Variants in AKR1C3 observed in about 807,000 individuals in gnomAD.
The protein encoded by AKR1C3 is 3-alpha hydroxysteroid dehydrogenase, type II.
In AKR1C3, 48 loss-of-function variants were observed where a neutral mutation model predicts 43.6. That is an observed-to-expected ratio of 1.10 (90% CI 0.87 to 1.40). AKR1C3 has a LOEUF of 1.40. Among genes scored for constraint, AKR1C3 ranks in the 40% most tolerant of loss-of-function variants. AKR1C3 has a pLI of 0.00. For missense variants in AKR1C3, 482 were observed against 391.2 expected, an observed-to-expected ratio of 1.23 and a Z score of -1.96; for synonymous variants, 162 against 139.6, an observed-to-expected ratio of 1.16 and a Z score of -1.13.
intron 1 of AKR1C3, among the ~76,000 whole-genome samples, chr10:5,067,959 A>G (rs143060496): frequency 1.3e-5 from 2 of 152,312 alleles, no homozygotes; most frequent in African/African-American, 4.8e-5. Context: ...AATTAGGTGC[A>G]TTGTACTGAT....
chr10:5,086,828 T>C (rs1232869203), intron 1 of AKR1C3, among the ~76,000 whole-genome samples: 1 of 152,218 alleles, frequency 6.6e-6, no homozygotes, highest in African/African-American at 2.4e-5. Flanking sequence ...TACCATTATG[T>C]AGTGGCCTTC....
At chr10:5,093,256 T>C (rs1198499769), upstream of AKR1C3, among the ~76,000 whole-genome samples, 1 of 152,126 alleles carries the variant, frequency 6.6e-6, no homozygotes. Flanking sequence ...GATCACTTCT[T>C]GACGCGTCCA....
upstream of AKR1C3, chr10:5,093,583 C>T (rs1839141165): frequency 6.6e-6 from 1 of 151,992 alleles, no homozygotes; most frequent in African/African-American, 2.4e-5. Context: ...CCAGTTTTTC[C>T]TTACAAATAA....
chr10:5,082,647 A>G (rs1312950630), intron 1 of AKR1C3, among the ~76,000 whole-genome samples: 5 of 152,130 alleles, frequency 3.3e-5, no homozygotes, highest in African/African-American at 1.2e-4. Context: ...AATGAAATCC[A>G]TTTGGTCATG....
At chr10:5,069,485 C>G (rs1838576054) in intron 1 of AKR1C3, among the ~76,000 whole-genome samples, 1 of 152,170 alleles carries the variant, frequency 6.6e-6, no homozygotes, top group South Asian at 2.1e-4. Context: ...TTTCTCACTA[C>G]TAACATAATC....
Position 5,107,473 on chromosome 10 carries a change from C to A in AKR1C3, c.942C>A (p.His314Gln), listed in dbSNP as rs587617235. The A allele has an allele frequency of 1.9e-6, 3 of 1,582,814 alleles. No homozygotes were observed. Among genetic ancestry groups the A allele is most frequent in the Non-Finnish European group, 2.6e-6 (3 of 1,152,148 alleles). ...ATTCTCTTTTCAGTTTTGCTAGCCA[C>A]CCTAATTATCCATATTCAGATGAAT... is the stretch of plus-strand genomic sequence containing the variant. Reference protein sequence around the residue: ...HYFNSDSFASHPNYPYSDEY With the variant: ...HYFNSDSFASQPNYPYSDEY The change falls in exon 9 of 9, where the codon CAC becomes CAA. Residue 314 changes from histidine (H) to glutamine (Q), a missense_variant. By Grantham distance (24) the His-to-Gln change is conservative (BLOSUM62 0). Transcript: ENST00000380554.
chr10:5,107,089 T>C (rs1411536095), intron 8 of AKR1C3, among the ~76,000 whole-genome samples: 1 of 152,192 alleles, frequency 6.6e-6, no homozygotes, highest in Non-Finnish European at 1.5e-5. Flanking sequence ...CTATATCATA[T>C]ATAACAATTT....
At chr10:5,075,777 G>A (rs1554781768) in intron 1 of AKR1C3, among the ~76,000 whole-genome samples, 2 of 152,084 alleles carry the variant, frequency 1.3e-5, no homozygotes, top group Non-Finnish European at 2.9e-5. Flanking sequence ...GGGAGGCTGA[G>A]GCAGGAGAAT....
intron 7 of AKR1C3, chr10:5,105,349 A>C: frequency 9.5e-6 from 3 of 317,156 alleles, no homozygotes; most frequent in Non-Finnish European, 1.2e-5. Context: ...TTTCTTCTCC[A>C]TTTTCTGTTG....
chr10:5,069,172 G>C (rs1588338110), intron 1 of AKR1C3, among the ~76,000 whole-genome samples: 1 of 152,182 alleles, frequency 6.6e-6, no homozygotes, highest in South Asian at 2.1e-4. Context: ...AGTTTGCACA[G>C]AGCGAAAGAG....
chr10:5,055,552 A>C (rs1838242127), intron 1 of AKR1C3, among the ~76,000 whole-genome samples: 1 of 152,146 alleles, frequency 6.6e-6, no homozygotes, highest in Non-Finnish European at 1.5e-5. Flanking sequence ...TGCTGCAACT[A>C]CCCTTAAACA....
intron 1 of AKR1C3, among the ~76,000 whole-genome samples, chr10:5,061,546 T>C (rs1838383448): frequency 6.6e-6 from 1 of 152,184 alleles, no homozygotes; most frequent in Non-Finnish European, 1.5e-5. Flanking sequence ...GTTGAGTACA[T>C]GTATGCTTGG....
Position 5,083,086 on chromosome 10 carries a change from T to C in AKR1C3, c.85-13324T>C, listed in dbSNP as rs527303329. 1.2e-4 allele frequency among the ~76,000 whole-genome samples: 5 copies of C among 43,402 alleles called. No homozygotes were observed. In the South Asian group the frequency reaches 3.8e-3, roughly 33 times the overall value. 28.5% of individuals were successfully genotyped at this position (43,402 alleles called of 152,430 possible). On this transcript the variant is annotated intron_variant, in intron 1 of 8. Transcript: ENST00000439082. The stretch of plus-strand genomic sequence containing the variant: ...ATCTATTTTCTCTATTTTTTTTTAT[T>C]ATTATACACTTTAAGTTTTAGGGTA...
At chr10:5,074,927 C>G (rs1041674124) in intron 1 of AKR1C3, among the ~76,000 whole-genome samples, 1 of 152,266 alleles carries the variant, frequency 6.6e-6, no homozygotes, top group Admixed American at 6.5e-5. Context: ...TTTTCCTCTG[C>G]CCCCTGTTGT....
intron 1 of AKR1C3, among the ~76,000 whole-genome samples, chr10:5,066,552 G>GAT (rs1838506025): frequency 2.0e-5 from 3 of 152,132 alleles, no homozygotes; most frequent in Admixed American, 6.5e-5. Flanking sequence ...ACCTTTGAGA[G>GAT]AATATAGCGC....
rs181605726 is a variant in AKR1C3, at chr10:5,061,154, G to T, written c.84+12259G>T. On this transcript the variant is annotated intron_variant, in intron 1 of 8. Transcript: ENST00000439082. ...CAGTGTGGGCGCCAAGGCCAAGGAG[G>T]CACCGAGAGTGAGCGAGGACTGCAA... 2.0e-3 allele frequency among the ~76,000 whole-genome samples: 307 copies of T among 152,286 alleles called. 1 individual carries two copies. Among genetic ancestry groups the T allele is most frequent in the African/African-American group, 6.6e-3 (273 of 41,574 alleles).
chr10:5,072,590 A>AT (rs1838634283), intron 1 of AKR1C3, among the ~76,000 whole-genome samples: 1 of 152,208 alleles, frequency 6.6e-6, no homozygotes, highest in South Asian at 2.1e-4. Flanking sequence ...TTGGAAATGA[A>AT]AATATCAAGA....
intron 7 of AKR1C3, 46 bp downstream of exon 7, chr10:5,102,696 T>C: frequency 6.9e-7 from 1 of 1,449,494 alleles, no homozygotes; most frequent in African/African-American, 1.4e-5. Flanking sequence ...ACAGTGTCCT[T>C]CACACGTGTG....
At chr10:5,064,234 C>G (rs1838446613) in intron 1 of AKR1C3, among the ~76,000 whole-genome samples, 1 of 152,274 alleles carries the variant, frequency 6.6e-6, no homozygotes, top group Non-Finnish European at 1.5e-5. Context: ...CAGAAGCAGG[C>G]CCATGGACCA....
Sources: allele counts gnomAD v4.1 joint callset (sites outside exome capture counted in the v4.1 genomes callset), GRCh38; gene constraint gnomAD v4.1.1; transcripts MANE v1.5; gene names NCBI Gene and HGNC (gene_info 2026-07-23, HGNC 2026-07-21).